DNAH11: variants seen among roughly 807,000 people sequenced by gnomAD.
DNAH11 encodes axonemal beta dynein heavy chain 11.
In DNAH11, 442 loss-of-function variants were observed where a neutral mutation model predicts 526.0. The ratio of observed to expected loss-of-function variants is 0.84; its 90% CI spans 0.78 to 0.91. The LOEUF (loss-of-function observed/expected upper bound fraction) is 0.91, where lower values mean the gene tolerates loss of function less well. Ranked by LOEUF, DNAH11 falls within the 40% of genes least tolerant of loss-of-function variation. The pLI is 0.00. For synonymous variants in DNAH11, 2,461 were observed against 1,935.9 expected (o/e 1.27, Z -7.12); for missense variants, 6,989 against 5,448.7 (o/e 1.28, Z -8.90).
chr7:21,873,850 G>T (rs939639048), intron 74 of DNAH11, among the ~76,000 whole-genome samples: 2 of 138,280 alleles, frequency 1.4e-5, no homozygotes, highest in African/African-American at 5.6e-5. Context: ...GAGTGCAGTG[G>T]CATGATCTTG....
At chr7:21,749,981 A>G (rs1047915273) in intron 53 of DNAH11, among the ~76,000 whole-genome samples, 180 bp downstream of exon 53, 1 of 152,194 alleles carries the variant, frequency 6.6e-6, no homozygotes, top group African/African-American at 2.4e-5. Flanking sequence ...TATGGATGAG[A>G]AGGCCTTCAG....
Position 21,606,723 on chromosome 7 carries a change from C to T in DNAH11, c.3842C>T (p.Ala1281Val), listed in dbSNP as rs770365463. 2.6e-5 allele frequency: 42 copies of T among 1,607,782 alleles called. No homozygotes were observed. Among genetic ancestry groups the T allele is most frequent in the Admixed American group, 1.3e-4 (8 of 59,372 alleles). Reference protein sequence around the residue: ...LGFNAENPYTALDKANEELEA... With the variant: ...LGFNAENPYTVLDKANEELEA... Reference sequence around the variant, plus strand: ...TTTAATGCAGAAAATCCATACACAGCGCTTGATAAGGTAATACAGATCTCA... The same window carrying T: ...TTTAATGCAGAAAATCCATACACAGTGCTTGATAAGGTAATACAGATCTCA... Residue 1281 changes from alanine (A) to valine (V), a missense_variant, in exon 20 of 82, where the codon GCG becomes GTG. Coordinates refer to ENST00000409508, the MANE Select transcript of DNAH11 (RefSeq NM_001277115.2).
intron 68 of DNAH11, among the ~76,000 whole-genome samples, chr7:21,856,284 G>A (rs994504574): frequency 2.0e-5 from 3 of 152,264 alleles, no homozygotes; most frequent in African/African-American, 7.2e-5. Flanking sequence ...ACAGACCTGA[G>A]ATATGATTTG....
At chr7:21,721,035 A>G (rs767458185) in intron 44 of DNAH11, among the ~76,000 whole-genome samples, 179 bp downstream of exon 44, 7 of 152,308 alleles carry the variant, frequency 4.6e-5, no homozygotes, top group East Asian at 1.9e-4. Context: ...TTCTAACCCC[A>G]GCTGACAATG....
chr7:21,845,011 G>A (rs546310938), intron 66 of DNAH11, among the ~76,000 whole-genome samples: 1 of 152,222 alleles, frequency 6.6e-6, no homozygotes, highest in African/African-American at 2.4e-5. Flanking sequence ...TTGCCAAGCT[G>A]GATCAGGGAC....
At chr7:21,866,061 C>T (rs1406614877) in intron 70 of DNAH11, among the ~76,000 whole-genome samples, 1 of 152,114 alleles carries the variant, frequency 6.6e-6, no homozygotes, top group Admixed American at 6.6e-5. Context: ...TATCTTGTGC[C>T]AACTTCCTAT....
At chr7:21,566,688 C>T (rs924829494) in intron 6 of DNAH11, among the ~76,000 whole-genome samples, 2 of 151,576 alleles carry the variant, frequency 1.3e-5, no homozygotes, top group Admixed American at 6.6e-5. Context: ...CCCGTTATAC[C>T]ATGCTCCATA....
intron 25 of DNAH11, among the ~76,000 whole-genome samples, chr7:21,623,205 C>T (rs1233585914): frequency 6.6e-6 from 1 of 152,202 alleles, no homozygotes; most frequent in East Asian, 1.9e-4. Context: ...CCAAAAAACA[C>T]ATGAAAAAGT....
At position 21,717,777 on chromosome 7, in the gene DNAH11, A is replaced by G. The variant is rs750881107; in HGVS notation, c.6986A>G (p.Tyr2329Cys). ...AGCTTTTCTGTGTTCCTTTTCAGGTATGTGGCCAGTTGGATAGACAGAAGG... is the reference window on the plus strand; with the variant it reads ...AGCTTTTCTGTGTTCCTTTTCAGGTGTGTGGCCAGTTGGATAGACAGAAGG... ...VNPQDLGWNP[Y>C]VASWIDRRRH... Residue 2329 changes from tyrosine to cysteine, a missense_variant and splice_region_variant, in exon 43 of 82, where the codon TAT becomes TGT. Tyr to Cys is a radical substitution (Grantham distance 194). Transcript: ENST00000409508. The G allele has an allele frequency of 9.3e-6, 15 of 1,613,562 alleles. No homozygotes were observed. Among genetic ancestry groups the G allele is most frequent in the Non-Finnish European group, 1.2e-5 (14 of 1,179,770 alleles).
chr7:21,605,898 G>C (rs572892441), intron 18 of DNAH11, among the ~76,000 whole-genome samples: 12 of 152,296 alleles, frequency 7.9e-5, no homozygotes, highest in Non-Finnish European at 1.5e-4. Context: ...ATGCTTTGGA[G>C]TTCTGAACCC....
At chr7:21,835,938 A>G (rs186283513) in intron 65 of DNAH11, among the ~76,000 whole-genome samples, 81 of 152,260 alleles carry the variant, frequency 5.3e-4, no homozygotes, top group Non-Finnish European at 1.0e-3. Flanking sequence ...ATCAACATAC[A>G]TAAGTCAGTA....
chr7:21,588,262 A>G, intron 10 of DNAH11, 61 bp downstream of exon 10: 1 of 1,538,854 alleles, frequency 6.5e-7, no homozygotes. Context: ...ATGACCATCA[A>G]CTAGAACTCT....
At chr7:21,568,068 TA>T (rs1181144954) in intron 6 of DNAH11, among the ~76,000 whole-genome samples, 2 of 152,110 alleles carry the variant, frequency 1.3e-5, no homozygotes, top group Non-Finnish European at 2.9e-5. Context: ...AGGACTGAGC[TA>T]AAATAACAGT....
chr7:21,825,225 C>G (rs1032869933), intron 65 of DNAH11, among the ~76,000 whole-genome samples: 1 of 152,096 alleles, frequency 6.6e-6, no homozygotes, highest in African/African-American at 2.4e-5. Context: ...ATTTAGCGTT[C>G]TTATTGAAGG....
At chr7:21,672,520 C>G (rs1353182161) in intron 30 of DNAH11, among the ~76,000 whole-genome samples, 1 of 152,184 alleles carries the variant, frequency 6.6e-6, no homozygotes, top group Non-Finnish European at 1.5e-5. Context: ...CTCCTGGCCT[C>G]AGGCCATTCT....
chr7:21,650,055 T>A (rs982533890), intron 28 of DNAH11, among the ~76,000 whole-genome samples: 1 of 152,086 alleles, frequency 6.6e-6, no homozygotes, highest in African/African-American at 2.4e-5. Flanking sequence ...TTTTTTCCCA[T>A]TTTTCTGCAT....
chr7:21,873,208 T>C (rs1398481477), intron 73 of DNAH11, 66 bp from the exon 74 acceptor site: 4 of 1,317,804 alleles, frequency 3.0e-6, no homozygotes, highest in Non-Finnish European at 4.2e-6. Context: ...TATAGGAAAA[T>C]GTAATCTTAT....
At chr7:21,568,556 CTGAG>C (rs1045042476) in intron 6 of DNAH11, among the ~76,000 whole-genome samples, 24 of 152,236 alleles carry the variant, frequency 1.6e-4, no homozygotes, top group African/African-American at 5.3e-4. Flanking sequence ...AGGAGACAGA[CTGAG>C]TGTTTTCATT....
intron 11 of DNAH11, among the ~76,000 whole-genome samples, chr7:21,588,914 T>G (rs1784572499): frequency 1.3e-5 from 2 of 152,280 alleles, no homozygotes; most frequent in South Asian, 2.1e-4. Flanking sequence ...TTGTTTTTCC[T>G]TTTTCCAATA....
Sources: gnomAD v4.1 joint callset for allele counts (sites outside exome capture counted in the v4.1 genomes callset) on GRCh38, gnomAD v4.1.1 for gene constraint, MANE v1.5 for transcripts, NCBI Gene and HGNC (gene_info 2026-07-23, HGNC 2026-07-21) for gene names.